NALCN: variants seen among roughly 807,000 people sequenced by gnomAD.
NALCN encodes sodium leak channel NALCN.
NALCN carries 111 observed loss-of-function variants against 225.3 expected under a neutral mutation model. That is an observed-to-expected ratio of 0.49 (90% CI 0.42 to 0.58). The LOEUF (loss-of-function observed/expected upper bound fraction) is 0.58, where lower values mean the gene tolerates loss of function less well. Among genes scored for constraint, NALCN ranks in the 20% least tolerant of loss-of-function variants. The pLI is 0.00. For missense variants in NALCN, 1,378 were observed against 2,202.4 expected (o/e 0.63, Z 7.49); for synonymous variants, 764 against 769.0 (o/e 0.99, Z 0.11).
chr13:101,110,786 A>G, intron 19 of NALCN, 98 bp from the exon 20 acceptor site: 2 of 1,172,914 alleles, frequency 1.7e-6, no homozygotes, highest in South Asian at 1.2e-5. Context: ...TTTTTCTGCT[A>G]CAACGCCACA....
chr13:101,194,227 T>C (rs1489129270), intron 13 of NALCN, among the ~76,000 whole-genome samples: 1 of 152,122 alleles, frequency 6.6e-6, no homozygotes, highest in Non-Finnish European at 1.5e-5. Flanking sequence ...GGTTATCCTC[T>C]TTTCATTTCA....
chr13:101,237,273 T>C (rs946367053), intron 12 of NALCN, among the ~76,000 whole-genome samples: 1 of 152,026 alleles, frequency 6.6e-6, no homozygotes, highest in Non-Finnish European at 1.5e-5. Context: ...GTATGAGTAA[T>C]TACAATCTGT....
At chr13:101,181,086 G>A (rs753425647) in intron 14 of NALCN, 9 of 518,750 alleles carry the variant, frequency 1.7e-5, no homozygotes, top group East Asian at 1.1e-4. Flanking sequence ...GGCACTTTCC[G>A]AACACTACTT....
At chr13:101,369,406 CT>C (rs1446594792) in intron 6 of NALCN, among the ~76,000 whole-genome samples, 4 of 152,082 alleles carry the variant, frequency 2.6e-5, no homozygotes, top group Non-Finnish European at 5.9e-5. Flanking sequence ...TCATTCTTTT[CT>C]TGGTACCAAA....
chr13:101,255,610 CCTACTGATG>C (rs1430563942), intron 11 of NALCN, among the ~76,000 whole-genome samples: 2 of 152,204 alleles, frequency 1.3e-5, no homozygotes, highest in African/African-American at 4.8e-5. Context: ...CAAATCTTTA[CCTACTGATG>C]CTATTACTCT....
chr13:101,346,087 C>CTCTCTCTCTCTCTCTCTCTCTATATATA, intron 6 of NALCN, among the ~76,000 whole-genome samples: 42 of 70,956 alleles, frequency 5.9e-4, no homozygotes, highest in Non-Finnish European at 9.1e-4. Context: ...CTCTCTCTCT[C>CTCTCTCTCTCTCTCTCTCTCTATATATA]TATATATATA....
chr13:101,310,769 A>G (rs1208233588), intron 7 of NALCN, among the ~76,000 whole-genome samples: 2 of 152,208 alleles, frequency 1.3e-5, no homozygotes, highest in Non-Finnish European at 2.9e-5. Flanking sequence ...TTGAATGGAT[A>G]AAATATTTTC....
At chr13:101,148,691 A>C in intron 15 of NALCN, among the ~76,000 whole-genome samples, 1 of 152,222 alleles carries the variant, frequency 6.6e-6, no homozygotes, top group East Asian at 1.9e-4. Flanking sequence ...CTGGCATGGC[A>C]CTGGACACAA....
intron 18 of NALCN, chr13:101,117,108 T>G (rs1212550981): frequency 2.6e-6 from 1 of 388,784 alleles, no homozygotes; most frequent in East Asian, 7.5e-5. Context: ...TCATAGCAAC[T>G]GCCAGTTAGT....
At chr13:101,180,774 T>A (rs1384861289) in intron 14 of NALCN, 1 of 303,702 alleles carries the variant, frequency 3.3e-6, no homozygotes, top group East Asian at 7.9e-5. Context: ...AACACACCTG[T>A]GTGGGTACCA....
intron 1 of NALCN, among the ~76,000 whole-genome samples, chr13:101,402,671 T>C (rs2047507607): frequency 6.6e-6 from 1 of 152,186 alleles, no homozygotes; most frequent in Non-Finnish European, 1.5e-5. Flanking sequence ...TGATCACCTG[T>C]TGTTACAGTT....
chr13:101,397,103 TATATATAC>T (rs1222932102), intron 2 of NALCN, among the ~76,000 whole-genome samples: 961 of 68,836 alleles, frequency 0.014, 22 homozygotes, highest in East Asian at 0.054. Flanking sequence ...TATATATATA[TATATATAC>T]ATACACATAC....
At chr13:101,250,980 C>G (rs2042046213) in intron 11 of NALCN, among the ~76,000 whole-genome samples, 1 of 151,888 alleles carries the variant, frequency 6.6e-6, no homozygotes, top group Non-Finnish European at 1.5e-5. Context: ...TTGTAAGAAA[C>G]TTAAAAATCC....
intron 13 of NALCN, among the ~76,000 whole-genome samples, chr13:101,205,659 C>T (rs12877169): frequency 0.21 from 32,375 of 152,006 alleles, 3,589 homozygotes; most frequent in East Asian, 0.37. Flanking sequence ...ATAGAACAGA[C>T]TGTCAAGTTT....
At chr13:101,297,231 A>G (rs546236707) in intron 7 of NALCN, among the ~76,000 whole-genome samples, 3 of 152,170 alleles carry the variant, frequency 2.0e-5, no homozygotes, top group African/African-American at 7.2e-5. Flanking sequence ...CTACCACTAA[A>G]CCTCTCTCCA....
chr13:101,292,162 A>G lies in NALCN; in HGVS notation c.942+62T>C. The G allele has an allele frequency of 6.2e-7, 1 of 1,612,420 alleles. No homozygotes were observed. Among genetic ancestry groups the G allele is most frequent in the East Asian group, 2.2e-5 (1 of 44,730 alleles). ...ACAAAGCAGAGGGCAACCAAAACCA[A>G]ACAAAAGATCTGCAGAACTATCACA... On this transcript the variant is annotated intron_variant, in intron 8 of 43. Transcript: ENST00000251127. The surrounding 1 kb of genome is among the most constrained non-coding windows in gnomAD (Gnocchi z 4.3).
chr13:101,309,904 C>T (rs2044279261), intron 7 of NALCN, among the ~76,000 whole-genome samples: 3 of 152,214 alleles, frequency 2.0e-5, no homozygotes, highest in South Asian at 2.1e-4. Flanking sequence ...GTAATGAAAC[C>T]GAGATCCTCA....
intron 18 of NALCN, among the ~76,000 whole-genome samples, chr13:101,112,926 A>C (rs2035522918): frequency 6.6e-6 from 1 of 152,114 alleles, no homozygotes; most frequent in Non-Finnish European, 1.5e-5. Context: ...TATATAATAC[A>C]TCATATAAGA....
chr13:101,226,714 C>T (rs546754539), intron 13 of NALCN, among the ~76,000 whole-genome samples: 5 of 152,320 alleles, frequency 3.3e-5, no homozygotes, highest in African/African-American at 1.2e-4. Context: ...CCACCCTAGA[C>T]ATGGTGCATG....
Sources: allele counts gnomAD v4.1 joint callset (sites outside exome capture counted in the v4.1 genomes callset), GRCh38; gene constraint gnomAD v4.1.1; non-coding constraint Gnocchi (gnomAD v3.1); transcripts MANE v1.5; gene names NCBI Gene and HGNC (gene_info 2026-07-23, HGNC 2026-07-21).